Variants in LRRCC1 observed in about 807,000 individuals in gnomAD.
LRRCC1 encodes leucine rich repeat and coiled-coil centrosomal protein 1.
A neutral mutation model predicts 126.0 loss-of-function variants in LRRCC1; 115 were observed. The ratio of observed to expected loss-of-function variants is 0.91; its 90% confidence interval spans 0.78 to 1.07. The LOEUF (loss-of-function observed/expected upper bound fraction) is 1.07. Ranked by LOEUF, LRRCC1 falls within the 50% of genes least tolerant of loss-of-function variation. LRRCC1 has a pLI of 0.00. For synonymous variants in LRRCC1, 400 were observed against 393.4 expected (o/e 1.02, Z -0.20); for missense variants, 1,172 against 1,175.7 (o/e 1.00, Z 0.05).
At chr8:85,123,645 G>A (rs774239110) in intron 7 of LRRCC1, 39 bp downstream of exon 7, 1 of 1,396,200 alleles carries the variant, frequency 7.2e-7, no homozygotes, top group East Asian at 2.4e-5. Context: ...GCACACAGAA[G>A]TTAATAATGC....
rs372504687 is a variant in LRRCC1, at chr8:85,115,331, G to A, written c.721-44G>A. On this transcript the variant is annotated intron_variant, in intron 5 of 18. Transcript: ENST00000360375. ...AAAAAATACCTTCAAATTTCAATAA[G>A]TGAATATAAATTAAAAGGATTTTGG... 1,546 of 1,570,792 alleles carry A rather than the reference G, an allele frequency of 9.8e-4. 1 individual carries two copies. Among genetic ancestry groups the A allele is most frequent in the Non-Finnish European group, 1.3e-3 (1,471 of 1,151,098 alleles).
At position 85,125,226 on chromosome 8, in the gene LRRCC1, C is replaced by T. The variant is rs181472435; in HGVS notation, c.1272+287C>T. On this transcript the variant is annotated intron_variant, in intron 8 of 18. Coordinates refer to ENST00000360375, the MANE Select transcript of LRRCC1 (RefSeq NM_033402.5). ...TTCTTATTCCTTAAGGTAGTGCTTC[C>T]TACTTTTTTTGGGTGTCAGACCCTT... is the stretch of plus-strand genomic sequence containing the variant. Among the ~76,000 whole-genome samples, 454 of 152,168 alleles carry T rather than the reference C, an allele frequency of 3.0e-3. 2 individuals are homozygous for T. Among genetic ancestry groups the T allele is most frequent in the African/African-American group, 0.01 (431 of 41,514 alleles).
intron 3 of LRRCC1, among the ~76,000 whole-genome samples, chr8:85,111,114 A>T (rs1362862612): frequency 6.6e-6 from 1 of 152,204 alleles, no homozygotes; most frequent in East Asian, 1.9e-4. Context: ...GTGGTGTCTC[A>T]CGCCTGTAAT....
At chr8:85,129,425 T>C in intron 10 of LRRCC1, 46 bp downstream of exon 10, 1 of 1,461,130 alleles carries the variant, frequency 6.8e-7, no homozygotes, top group African/African-American at 1.4e-5. Flanking sequence ...TAACACAAAT[T>C]CATAGCTTCT....
intron 6 of LRRCC1, among the ~76,000 whole-genome samples, chr8:85,116,855 A>G (rs992365334): frequency 6.6e-6 from 1 of 152,196 alleles, no homozygotes; most frequent in African/African-American, 2.4e-5. Context: ...AAAGTCAATA[A>G]GGCTGTGAGG....
Position 85,126,706 on chromosome 8 carries a change from A to G in LRRCC1, c.1290A>G (p.Leu430=). Residue 430 remains leucine (L), a synonymous_variant, in exon 9 of 19, where the codon CTA becomes CTG. Coordinates refer to ENST00000360375, the MANE Select transcript of LRRCC1 (RefSeq NM_033402.5). ...TCTTTCAGTCCCTTGTTGAACAGCT[A>G]GACCAAGAGAGAGAGAAGAGATGGA... ...DNTYQSLVEQ[L]DQEREKRWRA... 1 of 1,612,266 alleles carries G rather than the reference A, an allele frequency of 6.2e-7. No homozygotes were observed. Among genetic ancestry groups the G allele is most frequent in the Non-Finnish European group, 8.5e-7 (1 of 1,179,792 alleles).
intron 1 of LRRCC1, 107 bp downstream of exon 1, chr8:85,107,506 AC>A: frequency 2.1e-6 from 2 of 945,116 alleles, no homozygotes; most frequent in Non-Finnish European, 3.1e-6. Context: ...CTTTACCAAG[AC>A]CATAAGTGAA....
At chr8:85,113,793 C>G (rs914780915) in intron 4 of LRRCC1, among the ~76,000 whole-genome samples, 1 of 151,976 alleles carries the variant, frequency 6.6e-6, no homozygotes, top group Non-Finnish European at 1.5e-5. Context: ...GCTGGTGCTG[C>G]TGAAATGCTA....
intron 6 of LRRCC1, among the ~76,000 whole-genome samples, chr8:85,118,136 A>G (rs1215105170): frequency 6.6e-6 from 1 of 151,936 alleles, no homozygotes; most frequent in African/African-American, 2.4e-5. Context: ...TTCAGTGTAT[A>G]CTCTTTTGTG....
At chr8:85,129,438 C>G in intron 10 of LRRCC1, 59 bp downstream of exon 10, 2 of 1,384,826 alleles carry the variant, frequency 1.4e-6, no homozygotes, top group South Asian at 2.6e-5. Context: ...TAGCTTCTAT[C>G]GTGAAACAAA....
intron 3 of LRRCC1, among the ~76,000 whole-genome samples, chr8:85,112,542 C>T (rs1421978033): frequency 6.6e-6 from 1 of 152,174 alleles, no homozygotes; most frequent in Non-Finnish European, 1.5e-5. Context: ...ATTTTATATT[C>T]AAACCAGCAA....
At position 85,126,717 on chromosome 8, in the gene LRRCC1, G is replaced by A. The variant is rs114202224; in HGVS notation, c.1301G>A (p.Arg434Lys). 1.1e-3 allele frequency: 1,699 copies of A among 1,612,774 alleles called. 21 individuals carry two copies. The African/African-American group carries it at 0.019, about 18-fold the overall frequency. ...QSLVEQLDQE[R>K]EKRWRAEQAE... ...CTTGTTGAACAGCTAGACCAAGAGAGAGAGAAGAGATGGAGAGCTGAGCAA... is the reference window on the plus strand; with the variant it reads ...CTTGTTGAACAGCTAGACCAAGAGAAAGAGAAGAGATGGAGAGCTGAGCAA... Residue 434 changes from arginine to lysine, a missense_variant, in exon 9 of 19, where the codon AGA becomes AAA. Coordinates refer to ENST00000360375, the MANE Select transcript of LRRCC1 (RefSeq NM_033402.5).
At position 85,129,995 on chromosome 8, in the gene LRRCC1, A is replaced by C. The variant is rs747178162; in HGVS notation, c.1703A>C (p.His568Pro). The change falls in exon 11 of 19, where the codon CAT becomes CCT. Residue 568 changes from histidine (H) to proline (P), a missense_variant. Transcript: ENST00000360375. Reference protein sequence around the residue: ...REIYLLRTSLHREREQAQQLH... With the variant: ...REIYLLRTSLPREREQAQQLH... ...ATATACTTACTTAGAACTTCCCTTC[A>C]TCGAGAAAGAGAACAAGCGCAACAA... 6.2e-7 allele frequency: 1 copy of C among 1,603,004 alleles called. No individual in the cohort carries two copies. The highest frequency in any genetic ancestry group is 8.5e-7 in the Non-Finnish European group (1 of 1,176,118).
At chr8:85,113,719 TTA>T (rs1236260011) in intron 4 of LRRCC1, among the ~76,000 whole-genome samples, 2 of 152,120 alleles carry the variant, frequency 1.3e-5, no homozygotes, top group African/African-American at 2.4e-5. Flanking sequence ...GAATTTCATA[TTA>T]TGTGAATTTA....
At chr8:85,123,008 G>A (rs1421101485) in intron 6 of LRRCC1, among the ~76,000 whole-genome samples, 1 of 152,026 alleles carries the variant, frequency 6.6e-6, no homozygotes, top group Non-Finnish European at 1.5e-5. Context: ...CAGAAGTCTG[G>A]TTTTTCCTAC....
At chr8:85,130,197 G>T (rs536991974) in intron 11 of LRRCC1, 139 bp downstream of exon 11, 8 of 528,696 alleles carry the variant, frequency 1.5e-5, no homozygotes, top group Non-Finnish European at 2.1e-5. Context: ...GTGCAATGGC[G>T]CAATCTCGGC....
At chr8:85,109,516 C>A in intron 1 of LRRCC1, 79 bp from the exon 2 acceptor site, 1 of 759,260 alleles carries the variant, frequency 1.3e-6, no homozygotes, top group Non-Finnish European at 2.2e-6. Flanking sequence ...TATTTAGTAT[C>A]TACGTGCTGT....
intron 17 of LRRCC1, 84 bp downstream of exon 17, chr8:85,138,559 G>T: frequency 7.5e-7 from 1 of 1,328,016 alleles, no homozygotes; most frequent in Non-Finnish European, 1.0e-6. Flanking sequence ...AGAGAGGAGG[G>T]CTAAAAATCA....
intron 9 of LRRCC1, among the ~76,000 whole-genome samples, chr8:85,127,650 C>T (rs1810116398): frequency 6.6e-6 from 1 of 152,158 alleles, no homozygotes; most frequent in Admixed American, 6.5e-5. Context: ...TTCTTTTAGG[C>T]ACTTTTGTGA....
Sources: allele counts gnomAD v4.1 joint callset (sites outside exome capture counted in the v4.1 genomes callset), GRCh38; gene constraint gnomAD v4.1.1; transcripts MANE v1.5; gene names NCBI Gene and HGNC (gene_info 2026-07-23, HGNC 2026-07-21).